Variants in PCDHGA3 observed in about 807,000 individuals in gnomAD.
PCDHGA3 encodes the protein protocadherin gamma-A3.
In PCDHGA3, 40 loss-of-function variants were observed where a neutral mutation model predicts 58.5. That is an observed-to-expected ratio of 0.68 (90% CI 0.53 to 0.89). The LOEUF is 0.89. Among genes scored for constraint, PCDHGA3 ranks in the 40% least tolerant of loss-of-function variants. PCDHGA3 has a pLI of 0.00. For synonymous variants in PCDHGA3, 530 were observed against 525.7 expected (o/e 1.01, Z -0.11); for missense variants, 1,223 against 1,195.9 (o/e 1.02, Z -0.33).
In PCDHGA3 at chr5:141,346,165, T is replaced by G. The variant is rs1231422225; in HGVS notation, c.2132T>G (p.Leu711Arg). Residue 711 changes from leucine (L) to arginine (R), a missense_variant, in exon 1 of 4, where the codon CTG (leucine) becomes CGG (arginine). By Grantham distance (102) the Leu-to-Arg change is moderately radical (BLOSUM62 -2). Transcript: ENST00000253812. ...GTCTTCCTGGCCTTCGTCATCGTGCTGCTGGCGCTCAGGCTGCGGCGCTGG... is the reference window on the plus strand; with the variant it reads ...GTCTTCCTGGCCTTCGTCATCGTGCGGCTGGCGCTCAGGCTGCGGCGCTGG... ...SCVFLAFVIV[L>R]LALRLRRWHK... 1.2e-6 allele frequency: 2 copies of G among 1,613,934 alleles called. No individual in the cohort carries two copies. Among genetic ancestry groups the G allele is most frequent in the Non-Finnish European group, 1.7e-6 (2 of 1,179,942 alleles).
chr5:141,373,903 C>T (rs1769941634), intron 1 of PCDHGA3: 1 of 586,370 alleles, frequency 1.7e-6, no homozygotes. Flanking sequence ...GTTACATCCT[C>T]CAACAACAAA....
rs2098098668 is a variant in PCDHGA3, at chr5:141,439,210, T to C, written c.2425-55597T>C. Among the ~76,000 whole-genome samples the C allele has an allele frequency of 4.0e-5, 6 of 150,296 alleles. No homozygotes were observed. The Middle Eastern group carries it at 0.014, about 343-fold the overall frequency. On this transcript the variant is annotated intron_variant, in intron 1 of 3. Transcript: ENST00000253812. The stretch of plus-strand genomic sequence containing the variant: ...TCTGACAAAAAAAAAAAAAAATCCA[T>C]ATGTGAAAATTCTTAGAAGCTTCCT...
Position 141,351,825 on chromosome 5 carries a change from G to A in PCDHGA3, c.2424+5368G>A, listed in dbSNP as rs370366881. The A allele has an allele frequency of 6.2e-6, 10 of 1,613,082 alleles. No homozygotes were observed. The African/African-American group carries it at 8.0e-5, about 13-fold the overall frequency. ...CGCGCCTTCGACCACGAGCAGCTGCGCGCCTTCGAGCTCACACTGCAGGCC... is the reference window on the plus strand; with the variant it reads ...CGCGCCTTCGACCACGAGCAGCTGCACGCCTTCGAGCTCACACTGCAGGCC... On this transcript the variant is annotated intron_variant, in intron 1 of 3. Coordinates refer to ENST00000253812, the MANE Select transcript of PCDHGA3 (RefSeq NM_018916.4).
At chr5:141,465,504 G>T (rs2099104593) in intron 1 of PCDHGA3, among the ~76,000 whole-genome samples, 2 of 152,152 alleles carry the variant, frequency 1.3e-5, no homozygotes. Context: ...GCATTGTCGT[G>T]GTCAGGAAGG....
rs749469652 is a variant in PCDHGA3, at chr5:141,371,514, CT to C, written c.2424+25058del. On this transcript the variant is annotated intron_variant, in intron 1 of 3. Transcript: ENST00000253812. The stretch of plus-strand genomic sequence containing the variant: ...CGTTGCCCTGATCAAAACACATGAT[CT>C]AGATTCTGGATTTAATGGAGAAATC... The C allele has an allele frequency of 1.9e-6, 3 of 1,613,792 alleles. No homozygotes were observed. The South Asian group carries it at 3.3e-5, about 18-fold the overall frequency.
intron 3 of PCDHGA3, among the ~76,000 whole-genome samples, chr5:141,507,790 A>C (rs922507228): frequency 5.9e-5 from 9 of 152,188 alleles, no homozygotes; most frequent in Admixed American, 2.6e-4. Context: ...ACCCTCGTCT[A>C]AGCCTGCGCC....
At chr5:141,502,739 A>C (rs1287180048) in intron 2 of PCDHGA3, among the ~76,000 whole-genome samples, 1 of 152,070 alleles carries the variant, frequency 6.6e-6, no homozygotes, top group Non-Finnish European at 1.5e-5. Flanking sequence ...ATGTTCTGTC[A>C]TTCCTTCTAC....
At chr5:141,473,369 G>A (rs888984972) in intron 1 of PCDHGA3, among the ~76,000 whole-genome samples, 1 of 152,200 alleles carries the variant, frequency 6.6e-6, no homozygotes, top group African/African-American at 2.4e-5. Context: ...CACCAAAATA[G>A]CATGGTCCCT....
chr5:141,489,397 G>T lies in PCDHGA3; in HGVS notation c.2425-5410G>T. ...GGTGGGGAATGTTGCTCAGGATCTG[G>T]GCTTAAAGATGACAGATCTGTTGAG... On this transcript the variant is annotated intron_variant, in intron 1 of 3. Coordinates refer to ENST00000253812, the MANE Select transcript of PCDHGA3 (RefSeq NM_018916.4). The surrounding 1 kb of genome is among the most constrained non-coding windows in gnomAD (Gnocchi z 4.5). 2 of 1,614,176 alleles carry T rather than the reference G, an allele frequency of 1.2e-6. No individual in the cohort carries two copies. Among genetic ancestry groups the T allele is most frequent in the Non-Finnish European group, 1.7e-6 (2 of 1,180,038 alleles).
At chr5:141,427,984 C>G (rs754620535) in intron 1 of PCDHGA3, 2 of 1,597,494 alleles carry the variant, frequency 1.3e-6, no homozygotes, top group South Asian at 2.2e-5. Flanking sequence ...GCGCTGGGGC[C>G]CGATGGCTCC....
chr5:141,480,413 T>C (rs1478520852), intron 1 of PCDHGA3, among the ~76,000 whole-genome samples: 2 of 135,292 alleles, frequency 1.5e-5, no homozygotes, highest in African/African-American at 3.0e-5. Context: ...AGACCCTGTC[T>C]CAAAAAAAAA....
rs2095356668 is a variant in PCDHGA3, at chr5:141,410,094, C to T, written c.2424+63637C>T. Reference sequence around the variant, plus strand: ...ACTGGGGAGGTGCGCACGGCTCGAGCCTTAGGCGACAGGGACGCAGCCCGC... The same window carrying T: ...ACTGGGGAGGTGCGCACGGCTCGAGTCTTAGGCGACAGGGACGCAGCCCGC... On this transcript the variant is annotated intron_variant, in intron 1 of 3. Coordinates refer to ENST00000253812, the MANE Select transcript of PCDHGA3 (RefSeq NM_018916.4). 6.2e-7 allele frequency: 1 copy of T among 1,612,528 alleles called. No homozygotes were observed. Among genetic ancestry groups the T allele is most frequent in the Non-Finnish European group, 8.5e-7 (1 of 1,179,670 alleles).
At chr5:141,430,484 C>T (rs894612928) in intron 1 of PCDHGA3, 2 of 256,238 alleles carry the variant, frequency 7.8e-6, no homozygotes, top group African/African-American at 4.4e-5. Context: ...GATATAAAAA[C>T]GAAATATCCT....
chr5:141,399,999 A>G (rs1589395014), intron 1 of PCDHGA3: 1 of 1,612,302 alleles, frequency 6.2e-7, no homozygotes. Flanking sequence ...AGGTGCGCAC[A>G]GCGCGTGCCT....
rs752954707 is a variant in PCDHGA3 at position 141,476,801 on chromosome 5, C to T, written c.2425-18006C>T. The T allele has an allele frequency of 6.2e-7, 1 of 1,613,586 alleles. No individual in the cohort carries two copies. Among genetic ancestry groups the T allele is most frequent in the Non-Finnish European group, 8.5e-7 (1 of 1,180,020 alleles). On this transcript the variant is annotated intron_variant, in intron 1 of 3. Coordinates refer to ENST00000253812, the MANE Select transcript of PCDHGA3 (RefSeq NM_018916.4). This position sits in a 1 kb window ranked among gnomAD's most constrained non-coding sequence, Gnocchi z 7.6. Reference sequence around the variant, plus strand: ...GACCCCAGCTCTCTCCGCCAGCCTGCCTATTCACATCAAGGTGCTGGACGC... The same window carrying T: ...GACCCCAGCTCTCTCCGCCAGCCTGTCTATTCACATCAAGGTGCTGGACGC...
intron 1 of PCDHGA3, among the ~76,000 whole-genome samples, chr5:141,439,623 C>T (rs1219064055): frequency 6.6e-6 from 1 of 152,186 alleles, no homozygotes; most frequent in East Asian, 1.9e-4. Context: ...ATGAGCCAAT[C>T]CCCAGACATT....
intron 1 of PCDHGA3, chr5:141,355,394 G>T: frequency 2.5e-6 from 4 of 1,614,058 alleles, no homozygotes; most frequent in Non-Finnish European, 3.4e-6. Flanking sequence ...CGCGGAGTCC[G>T]CATCGTCTCC....
At chr5:141,413,840 G>T (rs1323659502) in intron 1 of PCDHGA3, 1 of 1,613,306 alleles carries the variant, frequency 6.2e-7, no homozygotes, top group Non-Finnish European at 8.5e-7. Flanking sequence ...TCCGACGGGG[G>T]TGACCCTCTC....
In PCDHGA3 at chr5:141,486,649, C is replaced by G; in HGVS notation, c.2425-8158C>G. On this transcript the variant is annotated intron_variant, in intron 1 of 3. Transcript: ENST00000253812. This position sits in a 1 kb window ranked among gnomAD's most constrained non-coding sequence, Gnocchi z 5.0. The stretch of plus-strand genomic sequence containing the variant: ...CTGGCTTGAATGCGCTTATCTCCTA[C>G]TCACTCCTGGAGCCCAGGAATCGAG... The G allele has an allele frequency of 6.2e-7, 1 of 1,613,952 alleles. No individual in the cohort carries two copies. The highest frequency in any genetic ancestry group is 8.5e-7 in the Non-Finnish European group (1 of 1,180,034).
Sources: allele counts gnomAD v4.1 joint callset (sites outside exome capture counted in the v4.1 genomes callset), GRCh38; gene constraint gnomAD v4.1.1; non-coding constraint Gnocchi (gnomAD v3.1); transcripts MANE v1.5; gene names NCBI Gene and HGNC (gene_info 2026-07-23, HGNC 2026-07-21).